Variants in ST6GALNAC3 observed in about 807,000 individuals in gnomAD.
The protein encoded by ST6GALNAC3 is ST6 N-acetylgalactosaminide alpha-2,6-sialyltransferase 3, also known as alpha-N-acetylgalactosaminide alpha-2,6-sialyltransferase 3.
A neutral mutation model predicts 32.7 loss-of-function variants in ST6GALNAC3; 25 were observed. The ratio of observed to expected loss-of-function variants is 0.76; its 90% CI spans 0.56 to 1.07. The LOEUF (loss-of-function observed/expected upper bound fraction) is 1.07, where lower values mean the gene tolerates loss of function less well. ST6GALNAC3 is among the 50% of genes least tolerant of loss of function. The pLI, the probability that ST6GALNAC3 is intolerant of heterozygous loss-of-function variation, is 0.00. For synonymous variants in ST6GALNAC3, 129 were observed against 133.1 expected (o/e 0.97, Z 0.21); for missense variants, 355 against 382.4 (o/e 0.93, Z 0.60).
chr1:76,623,588 A>G (rs1648779406), intron 3 of ST6GALNAC3, among the ~76,000 whole-genome samples: 1 of 151,970 alleles, frequency 6.6e-6, no homozygotes, highest in Admixed American at 6.6e-5. Flanking sequence ...ACAAATTATG[A>G]GACAGTATTT....
intron 1 of ST6GALNAC3, among the ~76,000 whole-genome samples, chr1:76,188,130 G>C (rs544608905): frequency 6.6e-6 from 1 of 152,120 alleles, no homozygotes; most frequent in Non-Finnish European, 1.5e-5. Context: ...TTGGGAGGCC[G>C]AGGTGGGTGG....
At chr1:76,268,699 G>A (rs1412754020) in intron 1 of ST6GALNAC3, among the ~76,000 whole-genome samples, 1 of 152,216 alleles carries the variant, frequency 6.6e-6, no homozygotes, top group East Asian at 1.9e-4. Flanking sequence ...CAAAGTAGAT[G>A]TGCTGGAAGT....
At chr1:76,328,101 G>A (rs1647113946) in intron 2 of ST6GALNAC3, among the ~76,000 whole-genome samples, 1 of 152,166 alleles carries the variant, frequency 6.6e-6, no homozygotes, top group Non-Finnish European at 1.5e-5. Flanking sequence ...AGTCACACAT[G>A]CTCAAATTGG....
At chr1:76,088,692 G>A (rs1265365567) in intron 1 of ST6GALNAC3, among the ~76,000 whole-genome samples, 2 of 152,030 alleles carry the variant, frequency 1.3e-5, no homozygotes, top group Non-Finnish European at 2.9e-5. Context: ...CAGCCTATTT[G>A]TTTGTTGATC....
chr1:76,434,402 A>G (rs1228091819), intron 3 of ST6GALNAC3, among the ~76,000 whole-genome samples: 1 of 152,222 alleles, frequency 6.6e-6, no homozygotes, highest in Non-Finnish European at 1.5e-5. Context: ...TGTCCTAAAG[A>G]ATCAAGCTCA....
chr1:76,164,077 C>T (rs554113371), intron 1 of ST6GALNAC3, among the ~76,000 whole-genome samples: 9 of 152,222 alleles, frequency 5.9e-5, no homozygotes, highest in Admixed American at 3.9e-4. Context: ...GGTGAAAAAC[C>T]AACAGATGAA....
In ST6GALNAC3 at chr1:76,118,972, G is replaced by A. The variant is rs372067266; in HGVS notation, c.18+44088G>A. ...TGAGTAGCTGGGATTACAGGCGTGCGCCACCATGCCCAGCTAATTTTTGTA... is the reference window on the plus strand; with the variant it reads ...TGAGTAGCTGGGATTACAGGCGTGCACCACCATGCCCAGCTAATTTTTGTA... On this transcript the variant is annotated intron_variant, in intron 1 of 4. Transcript: ENST00000328299. 6.8e-4 allele frequency among the ~76,000 whole-genome samples: 103 copies of A among 152,092 alleles called. 1 individual carries two copies. Among genetic ancestry groups the A allele is most frequent in the Non-Finnish European group, 1.2e-3 (81 of 68,026 alleles).
At chr1:76,561,204 A>G (rs1475600973) in intron 3 of ST6GALNAC3, among the ~76,000 whole-genome samples, 2 of 152,108 alleles carry the variant, frequency 1.3e-5, no homozygotes, top group African/African-American at 4.8e-5. Context: ...AGAGGCTAGG[A>G]AGGATAGTGG....
intron 1 of ST6GALNAC3, among the ~76,000 whole-genome samples, chr1:76,245,192 T>A (rs980027221): frequency 6.6e-6 from 1 of 152,212 alleles, no homozygotes; most frequent in Admixed American, 6.5e-5. Context: ...TTTATCCATT[T>A]CTTCTAGATT....
chr1:76,479,197 G>T (rs552348514), intron 3 of ST6GALNAC3, among the ~76,000 whole-genome samples: 1 of 152,206 alleles, frequency 6.6e-6, no homozygotes, highest in African/African-American at 2.4e-5. Context: ...TCTTCACAGA[G>T]GTTACTCCAG....
At chr1:76,183,490 A>G (rs946827112) in intron 1 of ST6GALNAC3, among the ~76,000 whole-genome samples, 4 of 152,130 alleles carry the variant, frequency 2.6e-5, no homozygotes, top group Non-Finnish European at 4.4e-5. Flanking sequence ...GGATGTAGAC[A>G]AGTAATGAGT....
intron 1 of ST6GALNAC3, among the ~76,000 whole-genome samples, chr1:76,266,932 G>A (rs4949624): frequency 0.72 from 109,773 of 152,066 alleles, 39,977 homozygotes; most frequent in African/African-American, 0.81. Flanking sequence ...GTTATATCCA[G>A]TAAAAGGATA....
chr1:76,232,933 C>G lies in ST6GALNAC3; in HGVS notation c.19-80872C>G, dbSNP rs1301132767. On this transcript the variant is annotated intron_variant, in intron 1 of 4. Transcript: ENST00000328299. ...GCTTTGAAGTTGGAGCAACTCCTGG[C>G]TTTACCACCTAGGAACCATGTGACT... is the stretch of plus-strand genomic sequence containing the variant. Among the ~76,000 whole-genome samples the G allele has an allele frequency of 2.6e-5, 4 of 152,148 alleles. No homozygotes were observed. In the East Asian group the frequency reaches 5.8e-4, roughly 22 times the overall value.
At chr1:76,113,531 T>C (rs1648242315) in intron 1 of ST6GALNAC3, among the ~76,000 whole-genome samples, 2 of 152,112 alleles carry the variant, frequency 1.3e-5, no homozygotes, top group South Asian at 4.1e-4. Flanking sequence ...TTTTTCTGTT[T>C]TTTTTTTTCC....
At chr1:76,455,984 G>C (rs1394320220) in intron 3 of ST6GALNAC3, among the ~76,000 whole-genome samples, 1 of 152,132 alleles carries the variant, frequency 6.6e-6, no homozygotes, top group East Asian at 1.9e-4. Flanking sequence ...TCAGGAGTTT[G>C]AGACCAGCCT....
intron 3 of ST6GALNAC3, among the ~76,000 whole-genome samples, chr1:76,578,322 A>G (rs568766388): frequency 2.7e-4 from 41 of 152,150 alleles, no homozygotes; most frequent in African/African-American, 9.4e-4. Context: ...AAACAACTAG[A>G]TGTAGTAAAC....
chr1:76,630,105 A>G lies in ST6GALNAC3; in HGVS notation c.*1299A>G, dbSNP rs934803616. ...ATTGTCTGTGTATTCTGCTCTCTTT[A>G]GCAGATGATCTGTAATTTGGTCATT... On this transcript the variant is annotated 3_prime_UTR_variant, in exon 5 of 5. Coordinates refer to ENST00000328299, the MANE Select transcript of ST6GALNAC3 (RefSeq NM_152996.4). 1.0e-6 allele frequency: 1 copy of G among 985,092 alleles called. No individual in the cohort carries two copies. Among genetic ancestry groups the G allele is most frequent in the African/African-American group, 1.7e-5 (1 of 57,190 alleles). The allele number at this position is 985,092 out of a possible 1,614,324, so 61.0% of individuals were successfully genotyped here. A position where few individuals can be genotyped will look rare whatever the true frequency, so the allele number is the denominator to read the frequency against.
rs575168861 is a variant in ST6GALNAC3 at position 76,586,245 on chromosome 1, A to G, written c.624-41207A>G. On this transcript the variant is annotated intron_variant, in intron 3 of 4. Transcript: ENST00000328299. The stretch of plus-strand genomic sequence containing the variant: ...TGAGATGTACTGTGTCAACATTGAA[A>G]TTTAATTACTGTGATGGACTTTAAA... Among the ~76,000 whole-genome samples, 13 of 152,314 alleles carry G rather than the reference A, an allele frequency of 8.5e-5. No individual in the cohort carries two copies. In the East Asian group the frequency reaches 9.7e-4, roughly 11 times the overall value.
At chr1:76,164,694 A>G (rs369846520) in intron 1 of ST6GALNAC3, among the ~76,000 whole-genome samples, 14 of 152,308 alleles carry the variant, frequency 9.2e-5, no homozygotes, top group Admixed American at 3.9e-4. Context: ...CAGTAAGTCC[A>G]TAATAATAGG....
Sources: allele counts gnomAD v4.1 joint callset (sites outside exome capture counted in the v4.1 genomes callset), GRCh38; gene constraint gnomAD v4.1.1; transcripts MANE v1.5; gene names NCBI Gene and HGNC (gene_info 2026-07-23, HGNC 2026-07-21).